Variants in ACAT2 observed in about 807,000 individuals in gnomAD.
ACAT2 encodes acetyl-CoA acetyltransferase 2, also known as acetyl-CoA acetyltransferase, cytosolic.
In ACAT2, 26 loss-of-function variants were observed where a neutral mutation model predicts 37.1. That is an observed-to-expected ratio of 0.70 (90% CI 0.51 to 0.97). The LOEUF is 0.97. ACAT2 is among the 50% of genes least tolerant of loss of function. ACAT2 has a pLI of 0.00. For missense variants in ACAT2, 468 were observed against 489.0 expected (o/e 0.96, Z 0.40); for synonymous variants, 156 against 163.6 (o/e 0.95, Z 0.35).
chr6:159,772,699 G>T (rs1204271939), intron 4 of ACAT2, among the ~76,000 whole-genome samples: 1 of 152,064 alleles, frequency 6.6e-6, no homozygotes, highest in East Asian at 1.9e-4. Flanking sequence ...GCTGTGGTGG[G>T]AGGATCACTT....
At chr6:159,769,537 A>T (rs970394690) in intron 4 of ACAT2, among the ~76,000 whole-genome samples, 1 of 152,278 alleles carries the variant, frequency 6.6e-6, no homozygotes, top group Non-Finnish European at 1.5e-5. Flanking sequence ...GGCTCAGGTC[A>T]TGATGGAGTA....
At chr6:159,766,865 T>C in intron 2 of ACAT2, 140 bp from the exon 3 acceptor site, 3 of 891,232 alleles carry the variant, frequency 3.4e-6, no homozygotes, top group Non-Finnish European at 5.3e-6. Flanking sequence ...ACAGGCCTTT[T>C]TGCCTCCAGT....
At position 159,777,366 on chromosome 6, in the gene ACAT2, T is replaced by C. The variant is rs750627353; in HGVS notation, c.822T>C (p.Leu274=). ...MKKSEADKRG[L]TPLARIVSWS... ...AGTCAGAAGCTGATAAACGTGGGCTTACACCTTTAGCACGGATAGTTTCCT... is the reference window on the plus strand; with the variant it reads ...AGTCAGAAGCTGATAAACGTGGGCTCACACCTTTAGCACGGATAGTTTCCT... The change falls in exon 7 of 9, where the codon CTT becomes CTC. Residue 274 remains leucine (L), a synonymous_variant. Coordinates refer to ENST00000367048, the MANE Select transcript of ACAT2 (RefSeq NM_005891.3). 1.7e-5 allele frequency: 28 copies of C among 1,614,236 alleles called. No homozygotes were observed. The East Asian group carries it at 6.2e-4, about 36-fold the overall frequency.
At chr6:159,763,369 A>G (rs1780190915) in intron 2 of ACAT2, among the ~76,000 whole-genome samples, 1 of 151,914 alleles carries the variant, frequency 6.6e-6, no homozygotes, top group East Asian at 1.9e-4. Flanking sequence ...CCTGGGCAAC[A>G]AAGCAAGACC....
chr6:159,778,322 T>A, intron 8 of ACAT2, 42 bp downstream of exon 8: 1 of 1,396,592 alleles, frequency 7.2e-7, no homozygotes, highest in Non-Finnish European at 9.9e-7. Context: ...CCAGTGAATT[T>A]CACAATCCAA....
At chr6:159,774,451 TTTTTG>T (rs1780382605) in intron 4 of ACAT2, among the ~76,000 whole-genome samples, 1 of 152,178 alleles carries the variant, frequency 6.6e-6, no homozygotes, top group Non-Finnish European at 1.5e-5. Flanking sequence ...AATTTCCTGA[TTTTTG>T]TTTTGTTTTG....
chr6:159,778,272 CCA>C lies in ACAT2; in HGVS notation c.1016_1017del (p.Pro339ArgfsTer6), dbSNP rs1382165188. 5 of 1,602,170 alleles carry C rather than the reference CCA, an allele frequency of 3.1e-6. No homozygotes were observed. Among genetic ancestry groups the C allele is most frequent in the Non-Finnish European group, 4.3e-6 (5 of 1,174,616 alleles). On this transcript the variant is annotated frameshift_variant, in exon 8 of 9. Transcript: ENST00000367048. LOFTEE classifies it high-confidence loss of function. ...AAIVKELGLN[P>X]EKVNIEGGAI... ...AATAGTTAAAGAACTTGGATTAAAC[CCA>C]GAGAAGGTAAAGATGCACAAGTAAC...
intron 3 of ACAT2, among the ~76,000 whole-genome samples, 180 bp downstream of exon 3, chr6:159,767,366 C>T (rs965806392): frequency 2.0e-5 from 3 of 152,122 alleles, no homozygotes; most frequent in Admixed American, 6.6e-5. Flanking sequence ...GTGGGAAATC[C>T]GGGTTGATAA....
rs1450428541 is a variant in ACAT2, at chr6:159,775,180, A to G, written c.501A>G (p.Val167=). The change falls in exon 5 of 9, where the codon GTA becomes GTG. Residue 167 remains valine, a synonymous_variant. Transcript: ENST00000367048. ...TTTCTCCTTTCCCAGCTGAAAATGT[A>G]GCCAAAAAATGGCAAGTGAGTAGAG... The part of the protein sequence containing the change: ...NCHMGITAEN[V]AKKWQVSRED... 1 of 1,613,450 alleles carries G rather than the reference A, an allele frequency of 6.2e-7. No homozygotes were observed. The highest frequency in any genetic ancestry group is 1.1e-5 in the South Asian group (1 of 90,864).
At chr6:159,777,808 A>G (rs374911414) in intron 7 of ACAT2, among the ~76,000 whole-genome samples, 2 of 152,120 alleles carry the variant, frequency 1.3e-5, no homozygotes, top group East Asian at 3.9e-4. Flanking sequence ...AGGCTCCCCA[A>G]GTGTTGAGAT....
chr6:159,763,809 G>C (rs1375488079), intron 2 of ACAT2, among the ~76,000 whole-genome samples: 13 of 149,834 alleles, frequency 8.7e-5, no homozygotes, highest in African/African-American at 3.2e-4. Flanking sequence ...TCATTCTTAC[G>C]AAGCAGGGCC....
At position 159,778,167 on chromosome 6, in the gene ACAT2, T is replaced by C; in HGVS notation, c.913-3T>C. 2.5e-6 allele frequency: 4 copies of C among 1,601,956 alleles called. No homozygotes were observed. The South Asian group carries it at 4.4e-5, about 18-fold the overall frequency. On this transcript the variant is annotated splice_region_variant and splice_polypyrimidine_tract_variant and intron_variant, in intron 7 of 8. Coordinates refer to ENST00000367048, the MANE Select transcript of ACAT2 (RefSeq NM_005891.3). Reference sequence around the variant, plus strand: ...ACCTCTTTTCTATGAATCTTTCCTCTAGGTTACAAAAGCAGGTTGGTCACT... The same window carrying C: ...ACCTCTTTTCTATGAATCTTTCCTCCAGGTTACAAAAGCAGGTTGGTCACT...
intron 2 of ACAT2, among the ~76,000 whole-genome samples, chr6:159,763,657 T>TTTTTTTTTTTTTTTG (rs1780200796): frequency 8.9e-6 from 1 of 112,318 alleles, no homozygotes; most frequent in African/African-American, 3.1e-5. Flanking sequence ...TTTTTTTTTT[T>TTTTTTTTTTTTTTTG]GAGACGGAGT....
intron 6 of ACAT2, 74 bp from the exon 7 acceptor site, chr6:159,777,228 G>C: frequency 6.7e-7 from 1 of 1,490,502 alleles, no homozygotes; most frequent in South Asian, 1.3e-5. Flanking sequence ...CATGTCTTCA[G>C]GTGGTAAAGA....
chr6:159,765,064 A>C (rs1323578938), intron 2 of ACAT2, among the ~76,000 whole-genome samples: 1 of 152,194 alleles, frequency 6.6e-6, no homozygotes, highest in Non-Finnish European at 1.5e-5. Flanking sequence ...ATTCTCATGA[A>C]GCTCGTAGTA....
intron 8 of ACAT2, 143 bp downstream of exon 8, chr6:159,778,423 TTAAAAAAAAAAAA>T (rs891776744): frequency 4.8e-5 from 4 of 84,146 alleles, no homozygotes; most frequent in African/African-American, 1.6e-4. Context: ...TTCCCAAGGT[TTAAAAAAAAAAAA>T]AAAAAAAAAA....
Position 159,778,885 on chromosome 6 carries a change from T to A in ACAT2, c.*56T>A. ...TTTTTAAACTAATAAAGTACTAGGT[T>A]GCAATATGTGAAATCAGAGGACCAA... On this transcript the variant is annotated 3_prime_UTR_variant, in exon 9 of 9. Transcript: ENST00000367048. The A allele has an allele frequency of 6.2e-7, 1 of 1,606,514 alleles. No homozygotes were observed. Among genetic ancestry groups the A allele is most frequent in the East Asian group, 2.2e-5 (1 of 44,786 alleles).
chr6:159,765,289 T>A (rs1780235717), intron 2 of ACAT2, among the ~76,000 whole-genome samples: 1 of 152,034 alleles, frequency 6.6e-6, no homozygotes, highest in African/African-American at 2.4e-5. Context: ...CTAATTTTTG[T>A]ATTTTTAGTA....
At chr6:159,763,105 AAC>A (rs112953742) in intron 2 of ACAT2, 52 bp downstream of exon 2, 45,723 of 1,368,312 alleles carry the variant, frequency 0.033, no homozygotes, top group East Asian at 0.055. Flanking sequence ...ACAGCCCATA[AAC>A]ACACACACAC....
Sources: gnomAD v4.1 joint callset for allele counts (sites outside exome capture counted in the v4.1 genomes callset) on GRCh38, gnomAD v4.1.1 for gene constraint, MANE v1.5 for transcripts, NCBI Gene and HGNC (gene_info 2026-07-23, HGNC 2026-07-21) for gene names.